EXOC4: variants seen among roughly 807,000 people sequenced by gnomAD.
EXOC4 encodes SEC8-like 1.
Under a neutral mutation model 107.2 loss-of-function variants are expected in EXOC4, and 71 were observed. The observed-to-expected ratio is 0.66, with a 90% CI of 0.55 to 0.81. The LOEUF is 0.81. EXOC4 is among the 30% of genes least tolerant of loss of function. EXOC4 has a pLI of 0.00. For missense variants in EXOC4, 1,108 were observed against 1,189.6 expected (o/e 0.93, Z 1.01); for synonymous variants, 456 against 441.2 (o/e 1.03, Z -0.42).
At chr7:133,970,819 GT>G (rs1416896856) in intron 14 of EXOC4, among the ~76,000 whole-genome samples, 1 of 152,114 alleles carries the variant, frequency 6.6e-6, no homozygotes, top group African/African-American at 2.4e-5. Flanking sequence ...CTTCTCTTGG[GT>G]TTTTAAACTT....
chr7:133,933,313 AAC>A (rs1563062223), intron 13 of EXOC4, among the ~76,000 whole-genome samples: 1 of 152,198 alleles, frequency 6.6e-6, no homozygotes, highest in African/African-American at 2.4e-5. Context: ...TAACAGGTTT[AAC>A]ATTCTTCTTT....
At chr7:133,424,310 G>A (rs1282477138) in intron 7 of EXOC4, among the ~76,000 whole-genome samples, 1 of 152,010 alleles carries the variant, frequency 6.6e-6, no homozygotes, top group Admixed American at 6.6e-5. Context: ...TCACTCCTGA[G>A]GCCAGCGAGA....
chr7:133,678,868 C>G (rs1054502807), intron 10 of EXOC4, among the ~76,000 whole-genome samples: 9 of 152,144 alleles, frequency 5.9e-5, no homozygotes, highest in Admixed American at 5.9e-4. Flanking sequence ...ATTCTCCCCG[C>G]CTTGACCTCC....
rs34231637 is a variant in EXOC4, at chr7:133,624,908, T to TAA, written c.1418-5127_1418-5126dup. On this transcript the variant is annotated intron_variant, in intron 9 of 17. Coordinates refer to ENST00000253861, the MANE Select transcript of EXOC4 (RefSeq NM_021807.4). ...GCGCCCAGCCTGACCTCATCTCTTATAAAAAAAAAAAGAGTAGGGGGAATG... is the reference window on the plus strand; with the variant it reads ...GCGCCCAGCCTGACCTCATCTCTTATAAAAAAAAAAAAAGAGTAGGGGGAATG... Among the ~76,000 whole-genome samples the TAA allele has an allele frequency of 0.012, 1,797 of 146,336 alleles. 72 individuals are homozygous for TAA. The East Asian group carries it at 0.15, about 12-fold the overall frequency.
chr7:133,407,743 A>C (rs1359709851), intron 7 of EXOC4, among the ~76,000 whole-genome samples: 1 of 152,210 alleles, frequency 6.6e-6, no homozygotes, highest in East Asian at 1.9e-4. Flanking sequence ...TTTCTCCTTG[A>C]AGGAGGATGC....
In EXOC4 at chr7:134,063,594, G is replaced by A. The variant is rs182633961; in HGVS notation, c.2688-697G>A. Among the ~76,000 whole-genome samples, 18 of 152,182 alleles carry A rather than the reference G, an allele frequency of 1.2e-4. No homozygotes were observed. The East Asian group carries it at 3.3e-3, about 28-fold the overall frequency. On this transcript the variant is annotated intron_variant, in intron 17 of 17. Transcript: ENST00000253861. ...TGGCACAGTGCTCGGGAATGAACTT[G>A]GTCAACAGCACTGGAATCCTTATGT...
intron 10 of EXOC4, among the ~76,000 whole-genome samples, chr7:133,730,433 C>A (rs1224953374): frequency 6.6e-6 from 1 of 151,870 alleles, no homozygotes; most frequent in African/African-American, 2.4e-5. Context: ...TTATTTCTTT[C>A]TAACAGATTA....
chr7:133,253,228 C>A, intron 1 of EXOC4, 41 bp downstream of exon 1: 1 of 1,594,830 alleles, frequency 6.3e-7, no homozygotes, highest in Non-Finnish European at 8.6e-7. Context: ...CTGGGGGCAG[C>A]GGCTCGACCT....
intron 14 of EXOC4, among the ~76,000 whole-genome samples, chr7:133,963,240 C>G (rs532140081): frequency 6.6e-6 from 1 of 152,290 alleles, no homozygotes; most frequent in African/African-American, 2.4e-5. Flanking sequence ...TTTGGTGGGG[C>G]AGAGGGGAGG....
intron 5 of EXOC4, among the ~76,000 whole-genome samples, chr7:133,322,265 T>C (rs1012824581): frequency 6.6e-6 from 1 of 152,158 alleles, no homozygotes; most frequent in African/African-American, 2.4e-5. Context: ...TGCCATTGCT[T>C]TTGGTGTTTT....
At chr7:133,834,094 C>T (rs912682045) in intron 11 of EXOC4, among the ~76,000 whole-genome samples, 3 of 152,164 alleles carry the variant, frequency 2.0e-5, no homozygotes, top group Non-Finnish European at 1.5e-5. Flanking sequence ...GATTAAAAAG[C>T]TGTCCTTATT....
chr7:133,664,555 G>A (rs1793769962), intron 10 of EXOC4, among the ~76,000 whole-genome samples: 1 of 152,090 alleles, frequency 6.6e-6, no homozygotes, highest in African/African-American at 2.4e-5. Flanking sequence ...CTGCCTATTA[G>A]AGCCAAACAA....
chr7:133,514,009 A>G (rs1238222377), intron 9 of EXOC4, among the ~76,000 whole-genome samples: 3 of 152,244 alleles, frequency 2.0e-5, no homozygotes, highest in South Asian at 4.1e-4. Context: ...TAATTTATGT[A>G]TGTAATGTGA....
chr7:133,329,553 G>T (rs1413509909), intron 5 of EXOC4, among the ~76,000 whole-genome samples: 2 of 152,154 alleles, frequency 1.3e-5, no homozygotes, highest in Admixed American at 6.5e-5. Context: ...CCCCATCTTC[G>T]TGGATTTATC....
intron 5 of EXOC4, among the ~76,000 whole-genome samples, chr7:133,339,211 T>C (rs1225206640): frequency 6.6e-6 from 1 of 152,222 alleles, no homozygotes; most frequent in African/African-American, 2.4e-5. Context: ...TGTTCCTTTT[T>C]ATGGCTGATT....
chr7:133,622,940 A>G (rs1441734880), intron 9 of EXOC4, among the ~76,000 whole-genome samples: 2 of 152,158 alleles, frequency 1.3e-5, no homozygotes, highest in Non-Finnish European at 2.9e-5. Context: ...AACCTACTCT[A>G]TGTGTGACCT....
chr7:133,760,126 G>T (rs1053205698), intron 10 of EXOC4, among the ~76,000 whole-genome samples: 3 of 152,138 alleles, frequency 2.0e-5, no homozygotes, highest in Middle Eastern at 3.2e-3. Context: ...CTACTCTCTT[G>T]GGACAGCCAT....
chr7:133,821,632 G>T (rs544367930), intron 11 of EXOC4, among the ~76,000 whole-genome samples: 1 of 152,132 alleles, frequency 6.6e-6, no homozygotes, highest in Non-Finnish European at 1.5e-5. Context: ...ACTGATTGGG[G>T]ATAAAAACTG....
chr7:133,698,386 GC>G (rs1027708101), intron 10 of EXOC4, among the ~76,000 whole-genome samples: 19 of 152,108 alleles, frequency 1.2e-4, no homozygotes, highest in African/African-American at 4.1e-4. Context: ...GATCGCTTGA[GC>G]CCAGGAGTTG....
Sources: allele counts gnomAD v4.1 joint callset (sites outside exome capture counted in the v4.1 genomes callset), GRCh38; gene constraint gnomAD v4.1.1; transcripts MANE v1.5; gene names NCBI Gene and HGNC (gene_info 2026-07-23, HGNC 2026-07-21).